PPFIBP1: variants seen among roughly 807,000 people sequenced by gnomAD.
PPFIBP1 encodes PPFIB scaffold protein 1.
In PPFIBP1, 112 loss-of-function variants were observed where a neutral mutation model predicts 137.8. The ratio of observed to expected loss-of-function variants is 0.81; its 90% CI spans 0.70 to 0.95. The LOEUF (loss-of-function observed/expected upper bound fraction) is 0.95, where lower values mean the gene tolerates loss of function less well. Ranked by LOEUF, PPFIBP1 falls within the 40% of genes least tolerant of loss-of-function variation. The probability of loss-of-function intolerance (pLI) is 0.00; values close to 1 mark genes in which losing one functional copy is unlikely to be tolerated. For synonymous variants in PPFIBP1, 378 were observed against 417.3 expected, an observed-to-expected ratio of 0.91 and a Z score of 1.15; for missense variants, 1,083 against 1,196.6, an observed-to-expected ratio of 0.91 and a Z score of 1.40.
At chr12:27,668,998 G>T (rs1219953713) in intron 13 of PPFIBP1, among the ~76,000 whole-genome samples, 1 of 151,258 alleles carries the variant, frequency 6.6e-6, no homozygotes, top group Admixed American at 6.6e-5. Context: ...ATTTTTTTTT[G>T]TCTAGAAAGA....
intron 6 of PPFIBP1, among the ~76,000 whole-genome samples, chr12:27,649,671 C>T (rs2058752625): frequency 6.6e-6 from 1 of 152,034 alleles, no homozygotes; most frequent in South Asian, 2.1e-4. Context: ...CTGCCTCAGC[C>T]TCTCAAGTAG....
At chr12:27,596,732 T>TA (rs34824727) in intron 2 of PPFIBP1, among the ~76,000 whole-genome samples, 2,535 of 152,304 alleles carry the variant, frequency 0.017, 202 homozygotes, top group Admixed American at 0.14. Flanking sequence ...GATCTTGTAC[T>TA]AAGCACTTTA....
intron 1 of PPFIBP1, among the ~76,000 whole-genome samples, chr12:27,563,869 C>CTTTTTTTTTT (rs570467910): frequency 7.0e-6 from 1 of 142,966 alleles, no homozygotes. Context: ...AAACACTTCC[C>CTTTTTTTTTT]TTTTTTTTTT....
At position 27,596,025 on chromosome 12, in the gene PPFIBP1, C is replaced by T. The variant is rs150416325; in HGVS notation, c.-36+17786C>T. On this transcript the variant is annotated intron_variant, in intron 2 of 29. Coordinates refer to ENST00000228425, the MANE Select transcript of PPFIBP1 (RefSeq NM_003622.4). ...CTTGTCAGGTGGCTAAGATGGTTCC[C>T]GTCCTTAGGAGATTTAGAGCTCTAA... Among the ~76,000 whole-genome samples, 18 of 150,022 alleles carry T rather than the reference C, an allele frequency of 1.2e-4. 1 individual carries two copies. The highest frequency in any genetic ancestry group is 2.7e-4 in the African/African-American group (11 of 40,816).
intron 7 of PPFIBP1, among the ~76,000 whole-genome samples, chr12:27,651,989 G>A (rs765487969): frequency 6.6e-6 from 1 of 151,992 alleles, no homozygotes; most frequent in Non-Finnish European, 1.5e-5. Flanking sequence ...TAAAAATTCA[G>A]TGTTATTTCT....
At chr12:27,666,290 T>C (rs2059851340) in intron 12 of PPFIBP1, among the ~76,000 whole-genome samples, 1 of 152,226 alleles carries the variant, frequency 6.6e-6, no homozygotes, top group South Asian at 2.1e-4. Context: ...TCTGTTCCAA[T>C]AAAGAGTTGT....
chr12:27,646,179 T>C, intron 5 of PPFIBP1, 31 bp downstream of exon 5: 1 of 1,520,992 alleles, frequency 6.6e-7, no homozygotes, highest in South Asian at 1.1e-5. Flanking sequence ...GTTCTTTCCT[T>C]GCAGCATACT....
intron 1 of PPFIBP1, among the ~76,000 whole-genome samples, chr12:27,571,467 C>T (rs1413856727): frequency 2.6e-5 from 4 of 152,106 alleles, no homozygotes; most frequent in African/African-American, 9.7e-5. Context: ...GATGAACCCA[C>T]CAATCCATTT....
chr12:27,569,695 A>T (rs932748754), intron 1 of PPFIBP1, among the ~76,000 whole-genome samples: 1 of 152,088 alleles, frequency 6.6e-6, no homozygotes, highest in Non-Finnish European at 1.5e-5. Context: ...AGTAACTGGG[A>T]TTACAGGCAC....
intron 2 of PPFIBP1, among the ~76,000 whole-genome samples, chr12:27,602,293 A>G (rs553269432): frequency 1.3e-5 from 2 of 152,320 alleles, no homozygotes; most frequent in South Asian, 4.1e-4. Flanking sequence ...TTGAGGCATA[A>G]TTGACAGATA....
intron 21 of PPFIBP1, 135 bp downstream of exon 21, chr12:27,680,196 C>T: frequency 8.0e-7 from 1 of 1,243,252 alleles, no homozygotes; most frequent in African/African-American, 1.5e-5. Flanking sequence ...GGGCCATCAT[C>T]TTTAGAGCCG....
rs1203993692 is a variant in PPFIBP1 at position 27,694,773 on chromosome 12, T to C, written c.*1891T>C. On this transcript the variant is annotated 3_prime_UTR_variant, in exon 30 of 30. Coordinates refer to ENST00000228425, the MANE Select transcript of PPFIBP1 (RefSeq NM_003622.4). ...CGTAATTACCCATGGTAGCCAACCC[T>C]ACAAAAGACAGGTTTTCACAAATTG... 6.6e-6 allele frequency: 1 copy of C among 152,214 alleles called. No individual in the cohort carries two copies. The highest frequency in any genetic ancestry group is 1.5e-5 in the Non-Finnish European group (1 of 68,030). 9.4% of individuals were successfully genotyped at this position (152,214 alleles called of 1,614,324 possible).
intron 1 of PPFIBP1, among the ~76,000 whole-genome samples, chr12:27,563,827 C>T (rs987031816): frequency 3.3e-5 from 5 of 151,276 alleles, no homozygotes; most frequent in African/African-American, 1.2e-4. Context: ...ATATGCAGAC[C>T]CCAAAGACTC....
At chr12:27,653,892 G>A (rs1411828924) in intron 7 of PPFIBP1, among the ~76,000 whole-genome samples, 1 of 152,144 alleles carries the variant, frequency 6.6e-6, no homozygotes, top group Non-Finnish European at 1.5e-5. Context: ...ATTTTCTAAT[G>A]ATAAAATTAG....
At chr12:27,655,170 A>G in intron 8 of PPFIBP1, 4 of 1,535,726 alleles carry the variant, frequency 2.6e-6, no homozygotes, top group Non-Finnish European at 3.5e-6. Flanking sequence ...TTCTAGCATG[A>G]AAATCAAGGT....
At chr12:27,628,590 C>T (rs540650866) in intron 2 of PPFIBP1, among the ~76,000 whole-genome samples, 1 of 152,278 alleles carries the variant, frequency 6.6e-6, no homozygotes, top group South Asian at 2.1e-4. Flanking sequence ...GCTGGATATT[C>T]TGAGCCTTTT....
intron 2 of PPFIBP1, chr12:27,593,846 C>A: frequency 7.2e-7 from 1 of 1,395,520 alleles, no homozygotes; most frequent in South Asian, 1.6e-5. Flanking sequence ...TTTCCTTATC[C>A]TTTCAGTCCC....
intron 2 of PPFIBP1, chr12:27,609,150 A>G (rs1054940856): frequency 2.6e-5 from 4 of 153,510 alleles, no homozygotes; most frequent in South Asian, 2.1e-4. Flanking sequence ...TCCGAGAACT[A>G]CAAATCTTAT....
At chr12:27,634,082 A>T (rs1253035065) in intron 3 of PPFIBP1, among the ~76,000 whole-genome samples, 1 of 147,806 alleles carries the variant, frequency 6.8e-6, no homozygotes, top group Non-Finnish European at 1.5e-5. Flanking sequence ...TGATCCACTC[A>T]TGTCGGCCTC....
Sources: allele counts gnomAD v4.1 joint callset (sites outside exome capture counted in the v4.1 genomes callset), GRCh38; gene constraint gnomAD v4.1.1; transcripts MANE v1.5; gene names NCBI Gene and HGNC (gene_info 2026-07-23, HGNC 2026-07-21).